USP37: variants seen among roughly 807,000 people sequenced by gnomAD.
The protein encoded by USP37 is ubiquitin specific peptidase 37.
Under a neutral mutation model 124.0 loss-of-function variants are expected in USP37, and 27 were observed. The ratio of observed to expected loss-of-function variants is 0.22; its 90% CI spans 0.16 to 0.30. The LOEUF (loss-of-function observed/expected upper bound fraction) is 0.30, where lower values mean the gene tolerates loss of function less well. Among genes scored for constraint, USP37 ranks in the 10% least tolerant of loss-of-function variants. The pLI is 1.00. For synonymous variants in USP37, 365 were observed against 388.0 expected, an observed-to-expected ratio of 0.94 and a Z score of 0.70; for missense variants, 889 against 1,140.4, an observed-to-expected ratio of 0.78 and a Z score of 3.17.
In USP37 at chr2:218,513,615, A is replaced by T. The variant is rs1398432738; in HGVS notation, c.864-3475T>A. On this transcript the variant is annotated intron_variant, in intron 10 of 25. Transcript: ENST00000258399. ...CTACTGATCTGTTTTCTGTCACTAT[A>T]GATTACATTTTCTAAAATTTCATAT... 2.0e-5 allele frequency among the ~76,000 whole-genome samples: 3 copies of T among 152,268 alleles called. 1 individual carries two copies. The highest frequency in any genetic ancestry group is 2.0e-4 in the Admixed American group (3 of 15,284).
chr2:218,467,172 C>T (rs933073530), intron 20 of USP37, among the ~76,000 whole-genome samples: 4 of 147,006 alleles, frequency 2.7e-5, no homozygotes, highest in African/African-American at 9.9e-5. Context: ...GAAATCCCCT[C>T]CCCCCTCCTC....
chr2:218,450,821 A>G lies in USP37; in HGVS notation c.*4109T>C, dbSNP rs758809227. 3.3e-5 allele frequency: 5 copies of G among 152,366 alleles called. No individual in the cohort carries two copies. In the East Asian group the frequency reaches 7.7e-4, roughly 23 times the overall value. 9.4% of individuals were successfully genotyped at this position (152,366 alleles called of 1,614,324 possible). On this transcript the variant is annotated 3_prime_UTR_variant, in exon 26 of 26. Coordinates refer to ENST00000258399, the MANE Select transcript of USP37 (RefSeq NM_020935.3). Reference sequence around the variant, plus strand: ...CCTCTGTACTTTTAAGAAAAGTCCAATGTTACAAAATCAAATGCTTATATT... The same window carrying G: ...CCTCTGTACTTTTAAGAAAAGTCCAGTGTTACAAAATCAAATGCTTATATT...
At chr2:218,504,009 C>T (rs1222113145) in intron 11 of USP37, among the ~76,000 whole-genome samples, 6 of 152,100 alleles carry the variant, frequency 3.9e-5, no homozygotes, top group Admixed American at 3.9e-4. Flanking sequence ...ACACAGCAGA[C>T]TTCAGAAAAA....
intron 14 of USP37, among the ~76,000 whole-genome samples, chr2:218,490,039 A>G (rs774386247): frequency 8.5e-5 from 13 of 152,170 alleles, no homozygotes; most frequent in Non-Finnish European, 1.3e-4. Flanking sequence ...TGGCTATATA[A>G]GTAATGCTGC....
At chr2:218,557,859 A>AGGCAGAGG (rs1693093749) in intron 4 of USP37, among the ~76,000 whole-genome samples, 1 of 134,766 alleles carries the variant, frequency 7.4e-6, no homozygotes, top group Non-Finnish European at 1.5e-5. Context: ...TGAACCCGGG[A>AGGCAGAGG]GGCAGAGGTT....
rs1022547336 is a variant in USP37 at position 218,459,850 on chromosome 2, C to T, written c.2583G>A (p.Glu861=). Residue 861 remains glutamate (E), a synonymous_variant, in exon 23 of 26, where the codon GAG becomes GAA. Transcript: ENST00000258399. Reference sequence around the variant, plus strand: ...CTGTGTACTCCATATCAAAAACATCCTCATTTCCAGAGTCCTCATCAGAAC... The same window carrying T: ...CTGTGTACTCCATATCAAAAACATCTTCATTTCCAGAGTCCTCATCAGAAC... ...ALGSDEDSGN[E]DVFDMEYTEA... 3 of 1,613,950 alleles carry T rather than the reference C, an allele frequency of 1.9e-6. No homozygotes were observed. The highest frequency in any genetic ancestry group is 1.7e-6 in the Non-Finnish European group (2 of 1,179,936).
Position 218,495,906 on chromosome 2 carries a change from T to C in USP37, c.1326A>G (p.Glu442=), listed in dbSNP as rs1301100696. ...AAGTTTTATTTAATTTTTCCATATC[T>C]TCTTTCAGCTGGTCCAAACACTGAC... ...FLSQCLDQLK[E]DMEKLNKTWK... The change falls in exon 14 of 26, where the codon GAA becomes GAG. Residue 442 remains glutamate, a synonymous_variant. Coordinates refer to ENST00000258399, the MANE Select transcript of USP37 (RefSeq NM_020935.3). 1 of 1,613,354 alleles carries C rather than the reference T, an allele frequency of 6.2e-7. No individual in the cohort carries two copies. Among genetic ancestry groups the C allele is most frequent in the African/African-American group, 1.3e-5 (1 of 74,866 alleles).
intron 2 of USP37, among the ~76,000 whole-genome samples, chr2:218,561,607 G>A (rs1207526924): frequency 4.0e-5 from 6 of 149,408 alleles, no homozygotes; most frequent in Admixed American, 6.7e-5. Flanking sequence ...GCAGTGAGCC[G>A]AGATCATACC....
intron 14 of USP37, among the ~76,000 whole-genome samples, chr2:218,489,638 C>T (rs1400803091): frequency 6.6e-6 from 1 of 151,872 alleles, no homozygotes; most frequent in Non-Finnish European, 1.5e-5. Context: ...CACCACCACG[C>T]CTGGCTAATT....
intron 7 of USP37, 88 bp downstream of exon 7, chr2:218,546,826 ATACTT>A (rs1692352369): frequency 7.1e-7 from 1 of 1,405,362 alleles, no homozygotes; most frequent in Non-Finnish European, 9.8e-7. Context: ...AATGTACTCT[ATACTT>A]TATTTCTCCT....
At chr2:218,486,101 C>T in intron 15 of USP37, 1 of 180,834 alleles carries the variant, frequency 5.5e-6, no homozygotes, top group Non-Finnish European at 1.1e-5. Flanking sequence ...ATGGCCATAG[C>T]AGAGATAAGA....
At chr2:218,516,996 G>C (rs1690327478) in intron 10 of USP37, among the ~76,000 whole-genome samples, 1 of 152,126 alleles carries the variant, frequency 6.6e-6, no homozygotes, top group African/African-American at 2.4e-5. Flanking sequence ...CTGGATCTCA[G>C]TATCTACAAT....
Position 218,454,315 on chromosome 2 carries a change from C to A in USP37, c.*615G>T, listed in dbSNP as rs1689585232. ...CAACAACAACAACAAAACAGCTCCT[C>A]AAGTCAGGTGACAGTAATGCCCCTC... On this transcript the variant is annotated 3_prime_UTR_variant, in exon 26 of 26. Transcript: ENST00000258399. The A allele has an allele frequency of 6.6e-6, 1 of 152,500 alleles. No individual in the cohort carries two copies. The highest frequency in any genetic ancestry group is 2.4e-5 in the African/African-American group (1 of 41,396). The allele number at this position is 152,500 out of a possible 1,614,324, so 9.4% of individuals were successfully genotyped here. A position where few individuals can be genotyped will look rare whatever the true frequency, so the allele number is the denominator to read the frequency against.
Position 218,534,620 on chromosome 2 carries a change from T to C in USP37, c.767A>G (p.Asn256Ser), listed in dbSNP as rs772056034. Residue 256 changes from asparagine to serine, a missense_variant, in exon 9 of 26, where the codon AAT becomes AGT. This residue lies in a region of USP37 where 374 missense variants were observed against 386.0 expected (regional missense o/e 0.97). Transcript: ENST00000258399. ...KQLSLKQSEE[N>S]RTSGLLPLQS... Reference sequence around the variant, plus strand: ...GATCAAACACTTACCTGATGTCCTATTCTCTTCTGACTGTTTCAAACTCAG... The same window carrying C: ...GATCAAACACTTACCTGATGTCCTACTCTCTTCTGACTGTTTCAAACTCAG... 2.5e-6 allele frequency: 4 copies of C among 1,603,140 alleles called. No homozygotes were observed. The South Asian group carries it at 3.4e-5, about 13-fold the overall frequency.
At chr2:218,524,576 G>A (rs902897897) in intron 10 of USP37, among the ~76,000 whole-genome samples, 13 of 152,114 alleles carry the variant, frequency 8.5e-5, no homozygotes, top group Non-Finnish European at 1.5e-4. Context: ...ATATCAAGAC[G>A]TATTTACATA....
At chr2:218,485,635 C>CAAAAAAGAA in intron 16 of USP37, 29 bp downstream of exon 16, 1 of 1,295,304 alleles carries the variant, frequency 7.7e-7, no homozygotes, top group Non-Finnish European at 1.0e-6. Context: ...TAGTCCATAG[C>CAAAAAAGAA]AAAAAAAAAA....
chr2:218,558,862 T>C (rs1693167160), intron 3 of USP37, 185 bp from the exon 4 acceptor site: 1 of 436,160 alleles, frequency 2.3e-6, no homozygotes, highest in Non-Finnish European at 4.0e-6. Flanking sequence ...TTTTGTATCA[T>C]TCACAACCAT....
intron 10 of USP37, among the ~76,000 whole-genome samples, chr2:218,515,931 GAAA>G (rs949627625): frequency 6.9e-6 from 1 of 143,958 alleles, no homozygotes; most frequent in Non-Finnish European, 1.5e-5. Context: ...TAACAAACGT[GAAA>G]AAAAGCTCGT....
chr2:218,560,675 A>G (rs922909683), intron 3 of USP37, 145 bp downstream of exon 3: 7 of 152,226 alleles, frequency 4.6e-5, no homozygotes, highest in African/African-American at 1.7e-4. Flanking sequence ...ATTACCATGT[A>G]GAAATAGCGA....
Sources: allele counts gnomAD v4.1 joint callset (sites outside exome capture counted in the v4.1 genomes callset), GRCh38; gene constraint gnomAD v4.1.1; regional missense constraint gnomAD v4.1.1; transcripts MANE v1.5; gene names NCBI Gene and HGNC (gene_info 2026-07-23, HGNC 2026-07-21).